The following DLGAP2 variants were observed in gnomAD, a reference collection of about 807,000 sequenced individuals.
DLGAP2 encodes DLG associated protein 2, also known as disks large-associated protein 2.
In DLGAP2, 26 loss-of-function variants were observed where a neutral mutation model predicts 100.3. The ratio of observed to expected loss-of-function variants is 0.26; its 90% confidence interval spans 0.19 to 0.36. DLGAP2 has a LOEUF of 0.36. Ranked by LOEUF, DLGAP2 falls within the 10% of genes least tolerant of loss-of-function variation. The probability of loss-of-function intolerance (pLI) is 1.00; values close to 1 mark genes in which losing one functional copy is unlikely to be tolerated. For synonymous variants in DLGAP2, 886 were observed against 630.1 expected (o/e 1.41, Z -6.08); for missense variants, 1,858 against 1,453.2 (o/e 1.28, Z -4.53).
chr8:1,690,988 G>A (rs939571614), intron 12 of DLGAP2, among the ~76,000 whole-genome samples: 3 of 152,100 alleles, frequency 2.0e-5, no homozygotes, highest in Non-Finnish European at 4.4e-5. Context: ...TGTCCACGCA[G>A]CCTCTTCCTA....
intron 2 of DLGAP2, among the ~76,000 whole-genome samples, chr8:1,252,174 G>A (rs887826938): frequency 6.6e-6 from 1 of 151,622 alleles, no homozygotes; most frequent in Admixed American, 6.6e-5. Flanking sequence ...TGTTGTCCTG[G>A]GTCACGGTGT....
intron 2 of DLGAP2, among the ~76,000 whole-genome samples, chr8:981,401 G>A (rs1370478923): frequency 6.6e-6 from 1 of 152,114 alleles, no homozygotes; most frequent in Non-Finnish European, 1.5e-5. Flanking sequence ...TGGTGTCCCA[G>A]TGTCCACTTG....
chr8:1,295,272 G>A (rs1340522711), intron 3 of DLGAP2, among the ~76,000 whole-genome samples: 1 of 152,136 alleles, frequency 6.6e-6, no homozygotes, highest in Non-Finnish European at 1.5e-5. Flanking sequence ...TCTTTCCATG[G>A]GATAGATACA....
rs1798758430 is a variant in DLGAP2, at chr8:1,470,745, C to CCTCCA, written c.107-30621_107-30620insCTCCA. Reference sequence around the variant, plus strand: ...CCGACCACGGCCTCCCCTTCCCCGACTCCTTCCCCGACTCCTCCAGCCTTT... The same window carrying CCTCCA: ...CCGACCACGGCCTCCCCTTCCCCGACCTCCATCCTTCCCCGACTCCTCCAGCCTTT... On this transcript the variant is annotated intron_variant, in intron 3 of 14. Coordinates refer to ENST00000637795, the MANE Select transcript of DLGAP2 (RefSeq NM_001346810.2). 7.8e-3 allele frequency among the ~76,000 whole-genome samples: 4 copies of CCTCCA among 510 alleles called. 1 individual carries two copies. Among genetic ancestry groups the CCTCCA allele is most frequent in the African/African-American group, 0.039 (4 of 102 alleles). 0.3% of individuals were successfully genotyped at this position (510 alleles called of 152,430 possible). A position where few individuals can be genotyped will look rare whatever the true frequency, so the allele number is the denominator to read the frequency against.
chr8:1,439,221 C>T (rs1193700441), intron 3 of DLGAP2, among the ~76,000 whole-genome samples: 1 of 152,130 alleles, frequency 6.6e-6, no homozygotes, highest in Non-Finnish European at 1.5e-5. Flanking sequence ...GAGGCAGGAG[C>T]ATGGTCACCG....
At chr8:1,441,422 G>T (rs1332712043) in intron 3 of DLGAP2, among the ~76,000 whole-genome samples, 1 of 152,066 alleles carries the variant, frequency 6.6e-6, no homozygotes, top group African/African-American at 2.4e-5. Context: ...GGGCATGGTG[G>T]CTCACTCCTG....
At chr8:1,580,046 A>G (rs1364552225) in intron 6 of DLGAP2, among the ~76,000 whole-genome samples, 2 of 152,222 alleles carry the variant, frequency 1.3e-5, no homozygotes, top group East Asian at 1.9e-4. Flanking sequence ...CAGCACTGAT[A>G]CCATTCACAT....
intron 2 of DLGAP2, among the ~76,000 whole-genome samples, chr8:1,044,105 C>T (rs1006335998): frequency 6.6e-6 from 1 of 152,110 alleles, no homozygotes; most frequent in Non-Finnish European, 1.5e-5. Flanking sequence ...GGATGTGAAG[C>T]TCAGGATGGT....
At chr8:1,081,672 G>T (rs1278562228) in intron 2 of DLGAP2, among the ~76,000 whole-genome samples, 1 of 152,150 alleles carries the variant, frequency 6.6e-6, no homozygotes, top group Non-Finnish European at 1.5e-5. Context: ...AAATATTCAA[G>T]ATTGTGTTCC....
chr8:1,224,850 C>T (rs1248685671), intron 2 of DLGAP2, among the ~76,000 whole-genome samples: 1 of 152,194 alleles, frequency 6.6e-6, no homozygotes, highest in East Asian at 1.9e-4. Flanking sequence ...AACTATGAGT[C>T]CCTGGGGAGA....
chr8:1,519,484 C>G (rs1252908081), intron 4 of DLGAP2, among the ~76,000 whole-genome samples: 5 of 152,218 alleles, frequency 3.3e-5, no homozygotes, highest in African/African-American at 9.6e-5. Flanking sequence ...ATAAAGCTCT[C>G]TTTTCAAGTC....
chr8:1,187,814 C>T (rs368716109), intron 2 of DLGAP2, among the ~76,000 whole-genome samples: 1 of 129,298 alleles, frequency 7.7e-6, no homozygotes, highest in Non-Finnish European at 1.5e-5. Flanking sequence ...TCTCACACGC[C>T]CGGGACTTCC....
intron 2 of DLGAP2, among the ~76,000 whole-genome samples, chr8:1,165,030 G>C (rs1235339370): frequency 2.6e-5 from 4 of 152,072 alleles, no homozygotes; most frequent in African/African-American, 9.7e-5. Flanking sequence ...GTTGGGTGTT[G>C]GGAGTCCGGG....
intron 1 of DLGAP2, among the ~76,000 whole-genome samples, chr8:851,801 A>G (rs1797186912): frequency 6.6e-6 from 1 of 152,210 alleles, no homozygotes; most frequent in South Asian, 2.1e-4. Context: ...GCCAGGAACC[A>G]CACTCGGAGC....
intron 4 of DLGAP2, among the ~76,000 whole-genome samples, chr8:1,517,610 C>A (rs770927523): frequency 3.9e-5 from 6 of 152,194 alleles, no homozygotes; most frequent in Non-Finnish European, 5.9e-5. Flanking sequence ...GGGGCCCCTC[C>A]ATCCGAATGC....
chr8:1,187,498 G>A lies in DLGAP2; in HGVS notation c.74-71353G>A, dbSNP rs188809689. Among the ~76,000 whole-genome samples the A allele has an allele frequency of 1.6e-3, 210 of 129,096 alleles. 9 individuals are homozygous for A. In the East Asian group the frequency reaches 0.032, roughly 20 times the overall value. The allele number at this position is 129,096 out of a possible 152,430, so 84.7% of individuals were successfully genotyped here. A position where few individuals can be genotyped will look rare whatever the true frequency, so the allele number is the denominator to read the frequency against. ...TTGCCTCACGGAATCTCACACACCC[G>A]GGACCTCCGTGACGTTTGCTTCACG... On this transcript the variant is annotated intron_variant, in intron 2 of 14. Coordinates refer to ENST00000637795, the MANE Select transcript of DLGAP2 (RefSeq NM_001346810.2).
Position 1,202,050 on chromosome 8 carries a change from CTG to C in DLGAP2, c.74-56796_74-56795del, listed in dbSNP as rs535378394. On this transcript the variant is annotated intron_variant, in intron 2 of 14. Transcript: ENST00000637795. ...ATGTGTGCACATGTGCAGTATCTAT[CTG>C]TGTGATGTGTGTGTATGTGTACGCC... Among the ~76,000 whole-genome samples the C allele has an allele frequency of 3.2e-4, 47 of 148,530 alleles. No individual in the cohort carries two copies. In the South Asian group the frequency reaches 8.1e-3, roughly 26 times the overall value.
At chr8:1,695,468 G>C (rs767632179) in intron 13 of DLGAP2, among the ~76,000 whole-genome samples, 3 of 142,714 alleles carry the variant, frequency 2.1e-5, no homozygotes, top group South Asian at 2.2e-4. Context: ...AGCCATGCCT[G>C]GCACTACAGA....
At chr8:1,510,039 G>A (rs777120929) in intron 4 of DLGAP2, among the ~76,000 whole-genome samples, 1 of 152,206 alleles carries the variant, frequency 6.6e-6, no homozygotes, top group Non-Finnish European at 1.5e-5. Context: ...TTTGCATATT[G>A]CAGTAACTGA....
Sources: gnomAD v4.1 joint callset for allele counts (sites outside exome capture counted in the v4.1 genomes callset) on GRCh38, gnomAD v4.1.1 for gene constraint, MANE v1.5 for transcripts, NCBI Gene and HGNC (gene_info 2026-07-23, HGNC 2026-07-21) for gene names.